RPA2: variants seen among roughly 807,000 people sequenced by gnomAD.
RPA2 encodes replication protein A 32 kDa subunit.
RPA2 carries 22 observed loss-of-function variants against 33.4 expected under a neutral mutation model. The ratio of observed to expected loss-of-function variants is 0.66; its 90% CI spans 0.47 to 0.94. The LOEUF (loss-of-function observed/expected upper bound fraction) is 0.94, where lower values mean the gene tolerates loss of function less well. RPA2 is among the 40% of genes least tolerant of loss of function. The probability of loss-of-function intolerance (pLI) is 0.00; values close to 1 mark genes in which losing one functional copy is unlikely to be tolerated. For synonymous variants in RPA2, 109 were observed against 114.9 expected (o/e 0.95, Z 0.33); for missense variants, 279 against 329.9 (o/e 0.85, Z 1.19).
At chr1:27,906,233 G>A (rs1489918580) in intron 4 of RPA2, among the ~76,000 whole-genome samples, 2 of 152,122 alleles carry the variant, frequency 1.3e-5, no homozygotes, top group Non-Finnish European at 2.9e-5. Context: ...TAGGTGTGGT[G>A]GCGGGTGCCT....
At position 27,914,119 on chromosome 1, in the gene RPA2, TGTAGCCGCC is replaced by T; in HGVS notation, c.52_60del (p.Gly18_Tyr20del). 1.2e-6 allele frequency: 2 copies of T among 1,611,348 alleles called. No individual in the cohort carries two copies. The highest frequency in any genetic ancestry group is 1.7e-6 in the Non-Finnish European group (2 of 1,179,238). On this transcript the variant is annotated inframe_deletion, in exon 2 of 9. Coordinates refer to ENST00000373912, the MANE Select transcript of RPA2 (RefSeq NM_002946.5). Reference sequence around the variant, plus strand: ...GATCCAAAGCCCCCCGGGGACTGCGTGTAGCCGCCGGCTCCCCCGTATGAGGAGCTGCCA... The same window carrying T: ...GATCCAAAGCCCCCCGGGGACTGCGTGGCTCCCCCGTATGAGGAGCTGCCA...
chr1:27,906,685 CA>C (rs1412396643), intron 4 of RPA2, among the ~76,000 whole-genome samples: 2 of 151,712 alleles, frequency 1.3e-5, no homozygotes, highest in Admixed American at 6.6e-5. Context: ...GACTCTGTCT[CA>C]AAAAAAACTT....
rs369236582 is a variant in RPA2 at position 27,914,444 on chromosome 1, C to T, written c.-1G>A. 7.5e-6 allele frequency: 12 copies of T among 1,597,744 alleles called. No homozygotes were observed. The African/African-American group carries it at 1.5e-4, about 20-fold the overall frequency. ...CACCCCCATCATTACTGTTCCACAT[C>T]TTGGTCACGATTCTCCGCAAAGAGG... On this transcript the variant is annotated 5_prime_UTR_variant, in exon 1 of 9. Transcript: ENST00000373912.
intron 2 of RPA2, among the ~76,000 whole-genome samples, chr1:27,911,915 AC>A (rs2090100816): frequency 6.6e-6 from 1 of 151,878 alleles, no homozygotes; most frequent in African/African-American, 2.4e-5. Context: ...ACATGGTACA[AC>A]CCTGTCTCTA....
intron 4 of RPA2, among the ~76,000 whole-genome samples, chr1:27,898,452 T>C (rs1004653536): frequency 3.9e-5 from 6 of 152,154 alleles, no homozygotes; most frequent in African/African-American, 1.4e-4. Flanking sequence ...AAACTGTTTA[T>C]AATGGTTGAC....
At chr1:27,896,977 A>T in intron 6 of RPA2, 28 bp downstream of exon 6, 1 of 1,529,450 alleles carries the variant, frequency 6.5e-7, no homozygotes, top group African/African-American at 1.4e-5. Flanking sequence ...CAGGGAAGAG[A>T]AAAAGCTAGG....
At chr1:27,894,230 G>A (rs1475972584) in intron 7 of RPA2, 60 bp downstream of exon 7, 11 of 1,546,494 alleles carry the variant, frequency 7.1e-6, no homozygotes, top group African/African-American at 1.4e-5. Context: ...CATTAAGGAA[G>A]TAACAAAATT....
In RPA2 at chr1:27,892,162, G is replaced by GT; in HGVS notation, c.813dup. 1 of 1,609,894 alleles carries GT rather than the reference G, an allele frequency of 6.2e-7. No individual in the cohort carries two copies. Among genetic ancestry groups the GT allele is most frequent in the Non-Finnish European group, 8.5e-7 (1 of 1,176,570 alleles). On this transcript the variant is annotated 3_prime_UTR_variant, in exon 9 of 9. Transcript: ENST00000373912. ...TATCTCAGGTACCCAGTTAGATCCA[G>GT]TTATTCTGCATCTGTGGATTTAAAA...
intron 2 of RPA2, 60 bp from the exon 3 acceptor site, chr1:27,907,342 A>G: frequency 7.8e-7 from 1 of 1,276,204 alleles, no homozygotes; most frequent in Admixed American, 2.0e-5. Flanking sequence ...CTCATTCAAC[A>G]CCTGCCATGT....
chr1:27,905,094 A>C (rs1405856128), intron 4 of RPA2, among the ~76,000 whole-genome samples: 1 of 152,238 alleles, frequency 6.6e-6, no homozygotes, highest in African/African-American at 2.4e-5. Flanking sequence ...ATCCATGTTT[A>C]TAAAGACACT....
Position 27,894,416 on chromosome 1 carries a change from T to C in RPA2, c.526-19A>G. 2 of 1,589,794 alleles carry C rather than the reference T, an allele frequency of 1.3e-6. No homozygotes were observed. Among genetic ancestry groups the C allele is most frequent in the Non-Finnish European group, 8.6e-7 (1 of 1,162,190 alleles). On this transcript the variant is annotated intron_variant, in intron 6 of 8. Coordinates refer to ENST00000373912, the MANE Select transcript of RPA2 (RefSeq NM_002946.5). ...CTGAGGGCTGAATTAAGAAATAAGT[T>C]AGCAATATTAGAAAATCCATCAAGT...
At chr1:27,913,029 T>G (rs1464494016) in intron 2 of RPA2, among the ~76,000 whole-genome samples, 1 of 152,100 alleles carries the variant, frequency 6.6e-6, no homozygotes, top group Admixed American at 6.5e-5. Flanking sequence ...CTTGGCTCAC[T>G]GCAATCTCTG....
chr1:27,906,664 C>A lies in RPA2; in HGVS notation c.333+264G>T, dbSNP rs765599871. ...AGATTCCACCACTGCACTGCCTGGG[C>A]GACAGAGTGAGACTCTGTCTCAAAA... is the stretch of plus-strand genomic sequence containing the variant. On this transcript the variant is annotated intron_variant, in intron 4 of 8. Transcript: ENST00000373912. Among the ~76,000 whole-genome samples the A allele has an allele frequency of 2.0e-5, 3 of 151,986 alleles. No individual in the cohort carries two copies. The South Asian group carries it at 6.2e-4, about 32-fold the overall frequency.
rs374964111 is a variant in RPA2 at position 27,892,262 on chromosome 1, G to GAAAAAAAAAAA, written c.729-16_729-15insTTTTTTTTTTT. On this transcript the variant is annotated splice_polypyrimidine_tract_variant and intron_variant, in intron 8 of 8. Coordinates refer to ENST00000373912, the MANE Select transcript of RPA2 (RefSeq NM_002946.5). ...CCACAGCTTGCCTAGAAAGAAAGAA[G>GAAAAAAAAAAA]AAAAAAAAAAGGTCATTTTCAGGCC... 5 of 1,452,966 alleles carry GAAAAAAAAAAA rather than the reference G, an allele frequency of 3.4e-6. No individual in the cohort carries two copies. The highest frequency in any genetic ancestry group is 2.0e-5 in the Admixed American group (1 of 50,926). 90.0% of individuals were successfully genotyped at this position (1,452,966 alleles called of 1,614,324 possible).
In RPA2 at chr1:27,904,165, C is replaced by CA. The variant is rs11334227; in HGVS notation, c.333+2762dup. 2.4e-3 allele frequency among the ~76,000 whole-genome samples: 293 copies of CA among 123,492 alleles called. 2 individuals are homozygous for CA. The highest frequency in any genetic ancestry group is 0.016 in the South Asian group (63 of 3,830). 81.0% of individuals were successfully genotyped at this position (123,492 alleles called of 152,430 possible). A position where few individuals can be genotyped will look rare whatever the true frequency, so the allele number is the denominator to read the frequency against. ...GGGCAACAAGAGCACAGCTCCATCT[C>CA]AAAAAAAAAAAAAAAAATCAGTTCC... On this transcript the variant is annotated intron_variant, in intron 4 of 8. Transcript: ENST00000373912.
chr1:27,901,426 G>A (rs186367894), intron 4 of RPA2, among the ~76,000 whole-genome samples: 9 of 151,658 alleles, frequency 5.9e-5, no homozygotes, highest in Admixed American at 1.3e-4. Context: ...GCAATGGCGC[G>A]ATCTCAGCTC....
At chr1:27,906,625 G>A (rs779192984) in intron 4 of RPA2, among the ~76,000 whole-genome samples, 7 of 152,144 alleles carry the variant, frequency 4.6e-5, no homozygotes, top group African/African-American at 1.4e-4. Context: ...GGATGCGGAC[G>A]TTGTAGTGAG....
rs2089902637 is a variant in RPA2 at position 27,897,082 on chromosome 1, C to T, written c.448G>A (p.Glu150Lys). 4.3e-6 allele frequency: 7 copies of T among 1,613,906 alleles called. No individual in the cohort carries two copies. Among genetic ancestry groups the T allele is most frequent in the South Asian group, 1.1e-5 (1 of 91,034 alleles). The change falls in exon 6 of 9, where the codon GAG (glutamate) becomes AAG (lysine). Residue 150 changes from glutamate (E) to lysine (K), a missense_variant. Glu to Lys is a moderately conservative substitution (Grantham distance 56, BLOSUM62 1). Transcript: ENST00000373912. ...TGTGTGGTGAACTCATTCATATCCT[C>T]CAGGGGCATGATCTTAAAGGCTACC... ...SLVAFKIMPL[E>K]DMNEFTTHIL... is the part of the protein sequence containing the mutation.
At chr1:27,913,989 T>G in intron 2 of RPA2, 74 bp downstream of exon 2, 1 of 1,363,896 alleles carries the variant, frequency 7.3e-7, no homozygotes, top group Non-Finnish European at 9.9e-7. Flanking sequence ...CTTCAAAGCA[T>G]AAAGTTTCTG....
Sources: gnomAD v4.1 joint callset for allele counts (sites outside exome capture counted in the v4.1 genomes callset) on GRCh38, gnomAD v4.1.1 for gene constraint, MANE v1.5 for transcripts, NCBI Gene and HGNC (gene_info 2026-07-23, HGNC 2026-07-21) for gene names.